The following ECH1 variants were observed in gnomAD, a reference collection of about 807,000 sequenced individuals.
The protein encoded by ECH1 is delta(3,5)-Delta(2,4)-dienoyl-CoA isomerase, mitochondrial.
ECH1 carries 30 observed loss-of-function variants against 37.0 expected under a neutral mutation model. The ratio of observed to expected loss-of-function variants is 0.81; its 90% CI spans 0.61 to 1.10. The LOEUF (loss-of-function observed/expected upper bound fraction) is 1.10, where lower values mean the gene tolerates loss of function less well. ECH1 is among the 50% of genes least tolerant of loss of function. The probability of loss-of-function intolerance (pLI) is 0.00; values close to 1 mark genes in which losing one functional copy is unlikely to be tolerated. For missense variants in ECH1, 456 were observed against 441.6 expected (o/e 1.03, Z -0.29); for synonymous variants, 178 against 176.0 (o/e 1.01, Z -0.09).
chr19:38,818,777 T>C (rs1600014061), intron 3 of ECH1, among the ~76,000 whole-genome samples: 1 of 152,328 alleles, frequency 6.6e-6, no homozygotes, highest in Non-Finnish European at 1.5e-5. Flanking sequence ...TGAGCCACCG[T>C]GCCCGGCCCA....
rs1338794235 is a variant in ECH1 at position 38,831,120 on chromosome 19, G to A, written c.307C>T (p.Arg103Trp). 2 of 1,613,942 alleles carry A rather than the reference G, an allele frequency of 1.2e-6. No individual in the cohort carries two copies. The highest frequency in any genetic ancestry group is 1.7e-6 in the Non-Finnish European group (2 of 1,180,042). ...CCTGCACCAGAGATCACCACCGCCC[G>A]ACAGTCAGCGTCTCTCGAAATCTTG... is the stretch of plus-strand genomic sequence containing the variant. ...FNKISRDADCRAVVISGAGKM... is the reference protein window; with the variant it reads ...FNKISRDADCWAVVISGAGKM... The change falls in exon 3 of 10, where the codon CGG (arginine) becomes TGG (tryptophan). Residue 103 changes from arginine (R) to tryptophan (W), a missense_variant. Transcript: ENST00000221418.
At chr19:38,816,069 C>A in intron 8 of ECH1, 62 bp from the exon 9 acceptor site, 1 of 1,599,188 alleles carries the variant, frequency 6.3e-7, no homozygotes, top group South Asian at 1.1e-5. Context: ...CAGCCTCCCG[C>A]AGATGAAGAA....
chr19:38,816,105 A>C, intron 8 of ECH1, 98 bp from the exon 9 acceptor site: 1 of 1,544,248 alleles, frequency 6.5e-7, no homozygotes, highest in Non-Finnish European at 8.8e-7. Context: ...GGAAGGCCCA[A>C]GACCCCAGAG....
chr19:38,816,595 A>C, intron 6 of ECH1, 72 bp from the exon 7 acceptor site: 1 of 1,555,236 alleles, frequency 6.4e-7, no homozygotes, highest in Non-Finnish European at 8.8e-7. Flanking sequence ...ACGTCCATGA[A>C]ATTTCATGTC....
intron 3 of ECH1, 84 bp downstream of exon 3, chr19:38,830,994 A>T: frequency 7.6e-7 from 1 of 1,317,612 alleles, no homozygotes; most frequent in Non-Finnish European, 1.1e-6. Context: ...GAAGCTGCTT[A>T]AAACCCTAAT....
In ECH1 at chr19:38,824,390, C is replaced by T. The variant is rs199648827; in HGVS notation, c.349+6688G>A. Among the ~76,000 whole-genome samples, 17 of 152,056 alleles carry T rather than the reference C, an allele frequency of 1.1e-4. No homozygotes were observed. In the East Asian group the frequency reaches 3.3e-3, roughly 29 times the overall value. ...ACAGGGACTGTTGCAGTTTCTTGGG[C>T]AGGGGGAGAAACAAAACAAACCAAA... On this transcript the variant is annotated intron_variant, in intron 3 of 9. Transcript: ENST00000221418.
intron 3 of ECH1, chr19:38,819,009 G>GTGTGTGCC (rs909384748): frequency 2.3e-6 from 1 of 437,084 alleles, no homozygotes; most frequent in African/African-American, 3.9e-5. Context: ...GTGTGTGTGT[G>GTGTGTGCC]CGGGCACGTG....
chr19:38,818,932 T>TGCGCGCGCACGCAC (rs1555721678), intron 3 of ECH1, among the ~76,000 whole-genome samples: 1 of 142,752 alleles, frequency 7.0e-6, no homozygotes, highest in Non-Finnish European at 1.5e-5. Flanking sequence ...TGTGTGTGTG[T>TGCGCGCGCACGCAC]GCACTGTTCC....
At chr19:38,818,630 G>A (rs1206189162) in intron 3 of ECH1, among the ~76,000 whole-genome samples, 1 of 152,138 alleles carries the variant, frequency 6.6e-6, no homozygotes, top group Non-Finnish European at 1.5e-5. Flanking sequence ...TGGGATTACA[G>A]GCGCCCACCA....
chr19:38,829,872 T>A (rs1971793443), intron 3 of ECH1, among the ~76,000 whole-genome samples: 1 of 151,360 alleles, frequency 6.6e-6, no homozygotes, highest in Non-Finnish European at 1.5e-5. Context: ...CAGTGGGTAG[T>A]AGCTGGGCAC....
Position 38,815,658 on chromosome 19 carries a change from C to A in ECH1, c.942G>T (p.Thr314=). ...CGGTTTTCAGTTCCTTGTTCTCAGT[C>A]GTGGCCTGGACCGACTTCACGAGGT... ...TQDLVKSVQA[T]TENKELKTVT... is the part of the protein sequence containing the mutation. The change falls in exon 10 of 10, where the codon ACG becomes ACT. Residue 314 remains threonine, a synonymous_variant. Transcript: ENST00000221418. 2.5e-6 allele frequency: 4 copies of A among 1,614,150 alleles called. No homozygotes were observed. The South Asian group carries it at 4.4e-5, about 18-fold the overall frequency.
At chr19:38,816,674 GCTT>G in intron 6 of ECH1, 151 bp from the exon 7 acceptor site, 1 of 987,372 alleles carries the variant, frequency 1.0e-6, no homozygotes. Context: ...TGCCCAGGCA[GCTT>G]CTTGACTCAG....
chr19:38,823,584 G>T (rs759734089), intron 3 of ECH1, among the ~76,000 whole-genome samples: 1 of 152,122 alleles, frequency 6.6e-6, no homozygotes, highest in Non-Finnish European at 1.5e-5. Flanking sequence ...AGTTGGGAGC[G>T]TTGGTTTGCC....
chr19:38,827,068 G>A (rs1971749730), intron 3 of ECH1, among the ~76,000 whole-genome samples: 1 of 143,734 alleles, frequency 7.0e-6, no homozygotes, highest in Non-Finnish European at 1.5e-5. Flanking sequence ...AGGAGGGGAA[G>A]GAGGAAGGGA....
chr19:38,816,089 C>T (rs1661426039), intron 8 of ECH1, 82 bp from the exon 9 acceptor site: 6 of 1,579,642 alleles, frequency 3.8e-6, no homozygotes, highest in South Asian at 2.3e-5. Flanking sequence ...AGTGGCCACT[C>T]ACAGAGGAAG....
chr19:38,830,592 G>A (rs1370126692), intron 3 of ECH1, among the ~76,000 whole-genome samples: 1 of 150,396 alleles, frequency 6.6e-6, no homozygotes, highest in African/African-American at 2.5e-5. Flanking sequence ...TGAGGTTACA[G>A]TGATTTATGA....
intron 3 of ECH1, among the ~76,000 whole-genome samples, chr19:38,830,202 A>G (rs1402212553): frequency 6.6e-6 from 1 of 152,220 alleles, no homozygotes; most frequent in Non-Finnish European, 1.5e-5. Context: ...AGAGATGACT[A>G]AACAGTTAGT....
intron 3 of ECH1, among the ~76,000 whole-genome samples, chr19:38,830,666 A>C (rs996647829): frequency 2.8e-4 from 43 of 151,936 alleles, no homozygotes; most frequent in Admixed American, 1.6e-3. Flanking sequence ...AAAAAAAAAA[A>C]ACACACAGAT....
At chr19:38,821,555 C>T (rs776110438) in intron 3 of ECH1, among the ~76,000 whole-genome samples, 4 of 152,202 alleles carry the variant, frequency 2.6e-5, no homozygotes, top group African/African-American at 4.8e-5. Flanking sequence ...GCGCAAGTTC[C>T]GGGTGGGTGT....
Sources: allele counts gnomAD v4.1 joint callset (sites outside exome capture counted in the v4.1 genomes callset), GRCh38; gene constraint gnomAD v4.1.1; transcripts MANE v1.5; gene names NCBI Gene and HGNC (gene_info 2026-07-23, HGNC 2026-07-21).